Variants in PLCL1 observed in about 807,000 individuals in gnomAD.
PLCL1 encodes inactive phospholipase C-like protein 1.
PLCL1 carries 41 observed loss-of-function variants against 84.4 expected under a neutral mutation model. The ratio of observed to expected loss-of-function variants is 0.49; its 90% confidence interval spans 0.38 to 0.63. The LOEUF is 0.63. Ranked by LOEUF, PLCL1 falls within the 30% of genes least tolerant of loss-of-function variation. The pLI is 0.00. For missense variants in PLCL1, 1,206 were observed against 1,367.8 expected (o/e 0.88, Z 1.87); for synonymous variants, 490 against 488.3 (o/e 1.00, Z -0.05).
At chr2:198,059,989 C>A (rs1322265443) in intron 1 of PLCL1, among the ~76,000 whole-genome samples, 3 of 152,174 alleles carry the variant, frequency 2.0e-5, no homozygotes, top group Non-Finnish European at 4.4e-5. Context: ...GGTTATCTGA[C>A]TGCACATACT....
Position 198,149,746 on chromosome 2 carries a change from A to G in PLCL1, c.*2784A>G, listed in dbSNP as rs535405013. 2.6e-5 allele frequency: 4 copies of G among 152,190 alleles called. No homozygotes were observed. Among genetic ancestry groups the G allele is most frequent in the Non-Finnish European group, 4.4e-5 (3 of 68,024 alleles). 9.4% of individuals were successfully genotyped at this position (152,190 alleles called of 1,614,324 possible). ...TTAGAGTTTATACATATATGTAAAT[A>G]TGCTTGTATTTTAACAAAATTGAGA... On this transcript the variant is annotated 3_prime_UTR_variant, in exon 6 of 6. Transcript: ENST00000428675.
intron 5 of PLCL1, among the ~76,000 whole-genome samples, chr2:198,144,662 A>G (rs1389864495): frequency 6.6e-6 from 1 of 152,200 alleles, no homozygotes; most frequent in Non-Finnish European, 1.5e-5. Flanking sequence ...AAAATGGCCC[A>G]GATAAAAATT....
intron 1 of PLCL1, among the ~76,000 whole-genome samples, chr2:197,809,635 C>T (rs968550603): frequency 2.2e-4 from 33 of 152,114 alleles, no homozygotes; most frequent in African/African-American, 7.7e-4. Context: ...GAGCTTACAT[C>T]CTATTGTTTT....
chr2:197,972,356 C>T (rs1689886983), intron 1 of PLCL1, among the ~76,000 whole-genome samples: 1 of 151,974 alleles, frequency 6.6e-6, no homozygotes, highest in Non-Finnish European at 1.5e-5. Flanking sequence ...TTACATGTAG[C>T]AAGAGGAAAG....
intron 5 of PLCL1, among the ~76,000 whole-genome samples, chr2:198,116,291 T>A (rs543894023): frequency 6.6e-6 from 1 of 151,772 alleles, no homozygotes; most frequent in Non-Finnish European, 1.5e-5. Flanking sequence ...TACATACTCA[T>A]AGTAATAGGC....
intron 1 of PLCL1, among the ~76,000 whole-genome samples, chr2:197,945,407 C>T (rs1518363): frequency 0.72 from 109,387 of 152,086 alleles, 40,264 homozygotes; most frequent in African/African-American, 0.87. Context: ...TGAGGGCATG[C>T]TTATTCAGTT....
intron 1 of PLCL1, among the ~76,000 whole-genome samples, chr2:197,975,908 T>A (rs1689971784): frequency 6.6e-6 from 1 of 152,134 alleles, no homozygotes. Flanking sequence ...CGCCTCTGGT[T>A]TCTGTCTAAA....
At chr2:197,881,435 T>C (rs1687825935) in intron 1 of PLCL1, among the ~76,000 whole-genome samples, 1 of 152,074 alleles carries the variant, frequency 6.6e-6, no homozygotes, top group Middle Eastern at 3.2e-3. Flanking sequence ...TTTGAATTCT[T>C]AGGCATCTAG....
intron 5 of PLCL1, among the ~76,000 whole-genome samples, chr2:198,120,848 T>C (rs750401165): frequency 1.3e-5 from 2 of 152,132 alleles, no homozygotes; most frequent in Non-Finnish European, 2.9e-5. Flanking sequence ...GTGGGATTGC[T>C]GGATTGTATG....
In PLCL1 at chr2:197,805,015, G is replaced by A; in HGVS notation, c.-85G>A. The A allele has an allele frequency of 7.3e-7, 1 of 1,377,342 alleles. No homozygotes were observed. The highest frequency in any genetic ancestry group is 9.4e-7 in the Non-Finnish European group (1 of 1,061,964). The allele number at this position is 1,377,342 out of a possible 1,614,324, so 85.3% of individuals were successfully genotyped here. Reference sequence around the variant, plus strand: ...CAAAGTCTGGCGGGGCCGCCTCCCGGTGCAGGAGCGCACCGGTGCCTAGCG... The same window carrying A: ...CAAAGTCTGGCGGGGCCGCCTCCCGATGCAGGAGCGCACCGGTGCCTAGCG... On this transcript the variant is annotated 5_prime_UTR_variant, in exon 1 of 6. The change creates a new upstream start codon in the 5' untranslated region. Transcript: ENST00000428675. This position sits in a 1 kb window ranked among gnomAD's most constrained non-coding sequence, Gnocchi z 4.0.
At chr2:198,083,729 T>G (rs1176842032) in intron 1 of PLCL1, 29 bp from the exon 2 acceptor site, 9 of 1,448,030 alleles carry the variant, frequency 6.2e-6, no homozygotes, top group Non-Finnish European at 7.5e-6. Context: ...TAAAGGAAAT[T>G]GATTCATTTT....
intron 1 of PLCL1, among the ~76,000 whole-genome samples, chr2:197,830,759 G>A (rs1057495641): frequency 8.5e-5 from 13 of 152,082 alleles, no homozygotes; most frequent in South Asian, 2.1e-4. Context: ...AAAATGTTAA[G>A]GGCAGATAGA....
chr2:197,892,322 A>G (rs1348070902), intron 1 of PLCL1, among the ~76,000 whole-genome samples: 1 of 152,146 alleles, frequency 6.6e-6, no homozygotes, highest in Non-Finnish European at 1.5e-5. Flanking sequence ...TGCTTCCTAA[A>G]CTGACTGTCT....
intron 1 of PLCL1, among the ~76,000 whole-genome samples, chr2:197,837,772 A>C (rs1691220687): frequency 6.6e-6 from 1 of 152,238 alleles, no homozygotes; most frequent in Non-Finnish European, 1.5e-5. Context: ...TACAAAAGCT[A>C]TGTTAATCCT....
chr2:197,923,603 G>A (rs1272069841), intron 1 of PLCL1, among the ~76,000 whole-genome samples: 5 of 147,934 alleles, frequency 3.4e-5, no homozygotes, highest in East Asian at 2.1e-4. Context: ...ATGTGATGGC[G>A]GCTGGGAAGA....
At chr2:197,895,575 T>C (rs1408423711) in intron 1 of PLCL1, among the ~76,000 whole-genome samples, 1 of 151,956 alleles carries the variant, frequency 6.6e-6, no homozygotes, top group Non-Finnish European at 1.5e-5. Context: ...TTGCTAGTTA[T>C]AATGAAGAAT....
Position 198,024,139 on chromosome 2 carries a change from A to G in PLCL1, c.241-59619A>G, listed in dbSNP as rs180790050. Among the ~76,000 whole-genome samples, 5 of 152,160 alleles carry G rather than the reference A, an allele frequency of 3.3e-5. No individual in the cohort carries two copies. In the East Asian group the frequency reaches 9.6e-4, roughly 29 times the overall value. ...TGGAAATCATCATTCTCAGCAAACT[A>G]ACAGAGGAACAGAAAACAAACACCA... On this transcript the variant is annotated intron_variant, in intron 1 of 5. Coordinates refer to ENST00000428675, the MANE Select transcript of PLCL1 (RefSeq NM_006226.4).
chr2:198,087,588 T>C (rs2105900635), intron 2 of PLCL1, among the ~76,000 whole-genome samples: 1 of 152,292 alleles, frequency 6.6e-6, no homozygotes, highest in East Asian at 1.9e-4. Context: ...GATAGCAATG[T>C]TAGCCTTTAA....
chr2:197,866,125 CTATATATATAT>C (rs1559029509), intron 1 of PLCL1, among the ~76,000 whole-genome samples: 181 of 7,324 alleles, frequency 0.025, 51 homozygotes, highest in African/African-American at 0.046. Context: ...TATATATAAA[CTATATATATAT>C]ATAAACTATA....
Sources: gnomAD v4.1 joint callset for allele counts (sites outside exome capture counted in the v4.1 genomes callset) on GRCh38, gnomAD v4.1.1 for gene constraint, Gnocchi (gnomAD v3.1) non-coding constraint, MANE v1.5 for transcripts, NCBI Gene and HGNC (gene_info 2026-07-23, HGNC 2026-07-21) for gene names.